The following BRSK2 variants were observed in gnomAD, a reference collection of about 807,000 sequenced individuals.
The protein encoded by BRSK2 is serine/threonine-protein kinase BRSK2.
In BRSK2, 19 loss-of-function variants were observed where a neutral mutation model predicts 83.3. The observed-to-expected ratio is 0.23, with a 90% CI of 0.16 to 0.33. BRSK2 has a LOEUF of 0.33. BRSK2 is among the 10% of genes least tolerant of loss of function. The pLI is 1.00. For missense variants in BRSK2, 798 were observed against 1,042.3 expected, an observed-to-expected ratio of 0.77 and a Z score of 3.23; for synonymous variants, 519 against 435.4, an observed-to-expected ratio of 1.19 and a Z score of -2.39.
chr11:1,423,445 C>T lies in BRSK2; in HGVS notation c.92-12595C>T, dbSNP rs1848828631. On this transcript the variant is annotated intron_variant, in intron 1 of 19. Coordinates refer to ENST00000528841, the MANE Select transcript of BRSK2 (RefSeq NM_001256627.2). The surrounding 1 kb of genome is among the most constrained non-coding windows in gnomAD (Gnocchi z 6.5). ...AGACTGTGGGAGGGGTAGGGGTGTG[C>T]TGTGGCCACAGTGGTTCTGGAATTT... Among the ~76,000 whole-genome samples, 1 of 152,088 alleles carries T rather than the reference C, an allele frequency of 6.6e-6. No individual in the cohort carries two copies. Among genetic ancestry groups the T allele is most frequent in the Non-Finnish European group, 1.5e-5 (1 of 68,004 alleles).
chr11:1,415,410 A>T (rs1847999919), intron 1 of BRSK2, among the ~76,000 whole-genome samples: 1 of 151,920 alleles, frequency 6.6e-6, no homozygotes, highest in Non-Finnish European at 1.5e-5. Context: ...TTACCTTTTT[A>T]AAAAAATTAG....
At position 1,454,028 on chromosome 11, in the gene BRSK2, T is replaced by C. The variant is rs1846143538; in HGVS notation, c.1545-457T>C. 1 of 156,786 alleles carries C rather than the reference T, an allele frequency of 6.4e-6. No homozygotes were observed. The highest frequency in any genetic ancestry group is 1.4e-5 in the Non-Finnish European group (1 of 70,910). 9.7% of individuals were successfully genotyped at this position (156,786 alleles called of 1,614,324 possible). On this transcript the variant is annotated intron_variant, in intron 15 of 19. Transcript: ENST00000528841. This position sits in a 1 kb window ranked among gnomAD's most constrained non-coding sequence, Gnocchi z 5.2. ...TGCCAGCAAGACAGGAGTAGCCTTC[T>C]GTGGCCTCAGAAGCGCCTCCCCACT...
Position 1,460,374 on chromosome 11 carries a change from G to A in BRSK2, c.1988-126G>A, listed in dbSNP as rs918013327. ...TCATCTCTGGGTTCTTTCCCTCGTC[G>A]AGGCCTCTTCGTTCATTTGTTTGTT... On this transcript the variant is annotated intron_variant, in intron 19 of 19. Coordinates refer to ENST00000528841, the MANE Select transcript of BRSK2 (RefSeq NM_001256627.2). 18 of 1,089,572 alleles carry A rather than the reference G, an allele frequency of 1.7e-5. No individual in the cohort carries two copies. The Admixed American group carries it at 1.7e-4, about 10-fold the overall frequency. 67.5% of individuals were successfully genotyped at this position (1,089,572 alleles called of 1,614,324 possible).
chr11:1,440,052 C>T (rs1042066193), intron 3 of BRSK2, among the ~76,000 whole-genome samples: 3 of 152,186 alleles, frequency 2.0e-5, no homozygotes, highest in Non-Finnish European at 2.9e-5. Flanking sequence ...GCTGTACAGC[C>T]CCCCTACATC....
At chr11:1,440,055 C>A (rs1850986202) in intron 3 of BRSK2, among the ~76,000 whole-genome samples, 1 of 152,180 alleles carries the variant, frequency 6.6e-6, no homozygotes, top group Non-Finnish European at 1.5e-5. Context: ...GTACAGCCCC[C>A]CTACATCACC....
Position 1,454,090 on chromosome 11 carries a change from C to T in BRSK2, c.1545-395C>T, listed in dbSNP as rs1226012624. The T allele has an allele frequency of 6.0e-6, 1 of 167,218 alleles. No individual in the cohort carries two copies. The highest frequency in any genetic ancestry group is 1.3e-5 in the Non-Finnish European group (1 of 78,446). 10.4% of individuals were successfully genotyped at this position (167,218 alleles called of 1,614,324 possible). ...AGCGAGTTGCAGGCCCCGCCTGCTC[C>T]TGGGGGTGGGGGGCACAGCTGACTT... On this transcript the variant is annotated intron_variant, in intron 15 of 19. Transcript: ENST00000528841. The surrounding 1 kb of genome is among the most constrained non-coding windows in gnomAD (Gnocchi z 5.2).
At chr11:1,443,708 G>A in intron 8 of BRSK2, 73 bp downstream of exon 8, 2 of 1,372,752 alleles carry the variant, frequency 1.5e-6, no homozygotes, top group Non-Finnish European at 1.9e-6. Flanking sequence ...GCCTGTGTGT[G>A]CACAGGTGTG....
intron 4 of BRSK2, 21 bp from the exon 5 acceptor site, chr11:1,442,469 C>T: frequency 6.3e-7 from 1 of 1,595,870 alleles, no homozygotes; most frequent in Non-Finnish European, 8.6e-7. Context: ...CCCTGTTCAG[C>T]CTCACCACCC....
At chr11:1,442,692 T>A in intron 5 of BRSK2, 86 bp downstream of exon 5, 1 of 1,119,608 alleles carries the variant, frequency 8.9e-7, no homozygotes, top group Non-Finnish European at 1.3e-6. Context: ...GCCCCCAGCC[T>A]GCCTGAGCCT....
chr11:1,421,582 C>T (rs1848632209), intron 1 of BRSK2, among the ~76,000 whole-genome samples: 1 of 152,224 alleles, frequency 6.6e-6, no homozygotes. Context: ...AAGAGATGCG[C>T]CGCCCCTTCC....
At position 1,454,703 on chromosome 11, in the gene BRSK2, T is replaced by G. The variant is rs1416308282; in HGVS notation, c.1668+95T>G. 2 of 1,494,906 alleles carry G rather than the reference T, an allele frequency of 1.3e-6. No individual in the cohort carries two copies. The highest frequency in any genetic ancestry group is 2.8e-5 in the African/African-American group (2 of 72,466). The allele number at this position is 1,494,906 out of a possible 1,614,324, so 92.6% of individuals were successfully genotyped here. A position where few individuals can be genotyped will look rare whatever the true frequency, so the allele number is the denominator to read the frequency against. On this transcript the variant is annotated intron_variant, in intron 16 of 19. Coordinates refer to ENST00000528841, the MANE Select transcript of BRSK2 (RefSeq NM_001256627.2). This position sits in a 1 kb window ranked among gnomAD's most constrained non-coding sequence, Gnocchi z 5.2. ...AGCCTCCTCACGTAGACAGGACATG[T>G]CCACGCGCACAGCACGGACGTCCGC...
chr11:1,460,960 CTGA>C lies in BRSK2; in HGVS notation c.*239_*241del, dbSNP rs763014275. 6.2e-7 allele frequency: 1 copy of C among 1,612,558 alleles called. No individual in the cohort carries two copies. The highest frequency in any genetic ancestry group is 1.1e-5 in the South Asian group (1 of 91,040). On this transcript the variant is annotated 3_prime_UTR_variant, in exon 20 of 20. Transcript: ENST00000528841. ...TCTGACAGCATCGCTTGTTTCCACT[CTGA>C]TACCAGGAATTATCCCGAAAAGTTA...
chr11:1,429,597 C>CGG (rs1358531353), intron 1 of BRSK2, among the ~76,000 whole-genome samples: 2 of 137,124 alleles, frequency 1.5e-5, no homozygotes, highest in Non-Finnish European at 3.1e-5. Flanking sequence ...GCGTCTTCTG[C>CGG]GGTCTGGTCA....
Position 1,436,041 on chromosome 11 carries a change from T to C in BRSK2, c.93T>C (p.Gly31=). ...AGCGCGGCTGCTTCTCTCCCGCAGGTCTGGTGAAGCTGGGGGTTCACTGCG... is the reference window on the plus strand; with the variant it reads ...AGCGCGGCTGCTTCTCTCCCGCAGGCCTGGTGAAGCTGGGGGTTCACTGCG... ...LEKTLGKGQT[G]LVKLGVHCVT... The change falls in exon 2 of 20, where the codon GGT becomes GGC. Residue 31 remains glycine (G), a splice_region_variant and synonymous_variant. Coordinates refer to ENST00000528841, the MANE Select transcript of BRSK2 (RefSeq NM_001256627.2). The C allele has an allele frequency of 6.2e-7, 1 of 1,606,200 alleles. No homozygotes were observed. The highest frequency in any genetic ancestry group is 8.5e-7 in the Non-Finnish European group (1 of 1,176,788).
In BRSK2 at chr11:1,461,048, T is replaced by G. The variant is rs1465155440; in HGVS notation, c.*325T>G. 3.7e-6 allele frequency: 6 copies of G among 1,603,944 alleles called. No homozygotes were observed. Among genetic ancestry groups the G allele is most frequent in the African/African-American group, 1.3e-5 (1 of 74,606 alleles). ...GAAGGCAGCTGCTGCGGACCCGCCC[T>G]CCCTCCGCTCCTGCTGTTGCTGCCG... On this transcript the variant is annotated 3_prime_UTR_variant, in exon 20 of 20. Transcript: ENST00000528841.
Position 1,423,156 on chromosome 11 carries a change from C to A in BRSK2, c.92-12884C>A, listed in dbSNP as rs567518669. Among the ~76,000 whole-genome samples the A allele has an allele frequency of 3.3e-4, 51 of 152,320 alleles. No homozygotes were observed. Among genetic ancestry groups the A allele is most frequent in the Non-Finnish European group, 5.7e-4 (39 of 68,028 alleles). On this transcript the variant is annotated intron_variant, in intron 1 of 19. Transcript: ENST00000528841. This position sits in a 1 kb window ranked among gnomAD's most constrained non-coding sequence, Gnocchi z 6.5. ...CCTCCATGTACCTCAGGGCCTCCCC[C>A]AGAGCGGTGCCTCGTGGGGGATGCG... is the stretch of plus-strand genomic sequence containing the variant.
intron 4 of BRSK2, 79 bp from the exon 5 acceptor site, chr11:1,442,411 C>T: frequency 9.0e-7 from 1 of 1,113,870 alleles, no homozygotes; most frequent in South Asian, 1.3e-5. Flanking sequence ...GCAGTGGGCT[C>T]TGGGCAGGGG....
intron 1 of BRSK2, among the ~76,000 whole-genome samples, chr11:1,400,794 C>G (rs1317224204): frequency 6.6e-6 from 1 of 152,234 alleles, no homozygotes; most frequent in Admixed American, 6.5e-5. Context: ...CACTGTGGCA[C>G]TGGGAGGGGT....
chr11:1,426,709 A>G (rs887759720), intron 1 of BRSK2, among the ~76,000 whole-genome samples: 22 of 152,048 alleles, frequency 1.4e-4, no homozygotes, highest in African/African-American at 5.1e-4. Context: ...GTTGCTGGCA[A>G]CGGGGGTGGG....
Sources: allele counts gnomAD v4.1 joint callset (sites outside exome capture counted in the v4.1 genomes callset), GRCh38; gene constraint gnomAD v4.1.1; non-coding constraint Gnocchi (gnomAD v3.1); transcripts MANE v1.5; gene names NCBI Gene and HGNC (gene_info 2026-07-23, HGNC 2026-07-21).